Variants in SND1 observed in about 807,000 individuals in gnomAD.
SND1 encodes the protein staphylococcal nuclease domain-containing protein 1.
In SND1, 38 loss-of-function variants were observed where a neutral mutation model predicts 121.7. The observed-to-expected ratio is 0.31, with a 90% confidence interval of 0.24 to 0.41. SND1 has a LOEUF of 0.41. SND1 is among the 10% of genes least tolerant of loss of function. The probability of loss-of-function intolerance (pLI) is 1.00; values close to 1 mark genes in which losing one functional copy is unlikely to be tolerated. For synonymous variants in SND1, 401 were observed against 447.4 expected (o/e 0.90, Z 1.31); for missense variants, 868 against 1,184.6 (o/e 0.73, Z 3.92).
chr7:127,753,686 C>T (rs1454320889), intron 10 of SND1, among the ~76,000 whole-genome samples: 1 of 152,094 alleles, frequency 6.6e-6, no homozygotes, highest in South Asian at 2.1e-4. Context: ...TAAGGTAGAG[C>T]AGTCTGGTGT....
intron 13 of SND1, among the ~76,000 whole-genome samples, chr7:127,890,851 G>T (rs887413055): frequency 1.3e-5 from 2 of 152,176 alleles, no homozygotes; most frequent in African/African-American, 4.8e-5. Flanking sequence ...GAGCTGCCTA[G>T]AGATAATTGT....
chr7:127,737,700 T>G (rs759206602), intron 10 of SND1, among the ~76,000 whole-genome samples: 64 of 152,190 alleles, frequency 4.2e-4, no homozygotes, highest in Admixed American at 7.9e-4. Flanking sequence ...TTTGGAGTAT[T>G]TGAATGTGCT....
chr7:128,071,607 C>CTTAA lies in SND1; in HGVS notation c.1780-2894_1780-2891dup, dbSNP rs1257492491. ...AGGATGATCACACACATACAACCTG[C>CTTAA]TTAAACCTCTGCTTTCAATCTCCGT... On this transcript the variant is annotated intron_variant, in intron 16 of 23. Coordinates refer to ENST00000354725, the MANE Select transcript of SND1 (RefSeq NM_014390.4). 4.6e-5 allele frequency among the ~76,000 whole-genome samples: 7 copies of CTTAA among 152,212 alleles called. No homozygotes were observed. In the East Asian group the frequency reaches 1.3e-3, roughly 29 times the overall value.
chr7:127,896,450 G>A (rs1012055904), intron 13 of SND1, among the ~76,000 whole-genome samples: 4 of 152,026 alleles, frequency 2.6e-5, no homozygotes, highest in African/African-American at 7.2e-5. Context: ...CATCACTATC[G>A]CTCGGAAACT....
rs1308616231 is a variant in SND1 at position 127,701,178 on chromosome 7, G to A, written c.444G>A (p.Arg148=). Residue 148 remains arginine, a synonymous_variant, in exon 5 of 24, where the codon CGG becomes CGA. Coordinates refer to ENST00000354725, the MANE Select transcript of SND1 (RefSeq NM_014390.4). ...GMRANNPEQN[R]LSECEEQAKA... ...TATGTCCCAGTCCTGAGCAGAACCGGCTTTCAGAATGTGAAGAACAAGCAA... is the reference window on the plus strand; with the variant it reads ...TATGTCCCAGTCCTGAGCAGAACCGACTTTCAGAATGTGAAGAACAAGCAA... The A allele has an allele frequency of 1.9e-6, 3 of 1,613,996 alleles. No individual in the cohort carries two copies. The highest frequency in any genetic ancestry group is 1.7e-5 in the Admixed American group (1 of 60,008).
At chr7:128,011,596 T>A (rs1276492403) in intron 16 of SND1, among the ~76,000 whole-genome samples, 1 of 152,180 alleles carries the variant, frequency 6.6e-6, no homozygotes, top group Non-Finnish European at 1.5e-5. Flanking sequence ...CAGCTGCACA[T>A]TGGAATCATG....
rs566540903 is a variant in SND1, at chr7:128,085,011, G to T, written c.2234+164G>T. On this transcript the variant is annotated intron_variant, in intron 19 of 23. Transcript: ENST00000354725. This position sits in a 1 kb window ranked among gnomAD's most constrained non-coding sequence, Gnocchi z 4.4. Reference sequence around the variant, plus strand: ...TCTTCATTGCCCACAGCCCATCTGGGGCCTTGCTCTGGCCTGTGCACCCCT... The same window carrying T: ...TCTTCATTGCCCACAGCCCATCTGGTGCCTTGCTCTGGCCTGTGCACCCCT... Among the ~76,000 whole-genome samples, 7 of 152,282 alleles carry T rather than the reference G, an allele frequency of 4.6e-5. No homozygotes were observed. The South Asian group carries it at 1.4e-3, about 32-fold the overall frequency.
intron 15 of SND1, among the ~76,000 whole-genome samples, chr7:127,969,410 A>C (rs752930680): frequency 1.9e-4 from 29 of 152,328 alleles, no homozygotes; most frequent in Non-Finnish European, 3.4e-4. Flanking sequence ...CGTATACAAA[A>C]TGAGAAAGTT....
intron 14 of SND1, among the ~76,000 whole-genome samples, chr7:127,923,425 C>T (rs147251444): frequency 2.0e-5 from 3 of 152,250 alleles, no homozygotes; most frequent in African/African-American, 7.2e-5. Context: ...CTCTCTAGTA[C>T]ACATCTCACC....
chr7:127,772,271 A>G (rs1797526063), intron 10 of SND1, among the ~76,000 whole-genome samples: 1 of 152,242 alleles, frequency 6.6e-6, no homozygotes, highest in Non-Finnish European at 1.5e-5. Flanking sequence ...ATTAGATTTA[A>G]GTACTCAGAT....
chr7:127,800,276 A>G (rs1449901934), intron 10 of SND1, among the ~76,000 whole-genome samples: 2 of 152,202 alleles, frequency 1.3e-5, no homozygotes, highest in Non-Finnish European at 2.9e-5. Context: ...TCTTATTGTA[A>G]TTCAACAGTC....
intron 16 of SND1, among the ~76,000 whole-genome samples, chr7:128,002,236 G>T (rs1301811144): frequency 1.3e-5 from 2 of 152,216 alleles, no homozygotes; most frequent in Non-Finnish European, 2.9e-5. Flanking sequence ...TCAAAACAGG[G>T]ATCCTCGCTA....
chr7:127,736,995 A>G (rs1393972288), intron 10 of SND1, among the ~76,000 whole-genome samples: 1 of 152,232 alleles, frequency 6.6e-6, no homozygotes, highest in African/African-American at 2.4e-5. Context: ...TATTTGCACA[A>G]TTACATTACA....
chr7:127,772,771 T>C (rs192324928), intron 10 of SND1, among the ~76,000 whole-genome samples: 1 of 152,310 alleles, frequency 6.6e-6, no homozygotes, highest in East Asian at 1.9e-4. Flanking sequence ...GCAAATCTTA[T>C]GAAACAGTGA....
intron 10 of SND1, among the ~76,000 whole-genome samples, chr7:127,801,453 A>G (rs1191832836): frequency 1.3e-5 from 2 of 152,162 alleles, no homozygotes; most frequent in Non-Finnish European, 2.9e-5. Flanking sequence ...TTTACTGAGT[A>G]AATCAAAGTA....
chr7:128,029,321 A>G lies in SND1; in HGVS notation c.1779+38265A>G, dbSNP rs1424008412. On this transcript the variant is annotated intron_variant, in intron 16 of 23. Coordinates refer to ENST00000354725, the MANE Select transcript of SND1 (RefSeq NM_014390.4). This position sits in a 1 kb window ranked among gnomAD's most constrained non-coding sequence, Gnocchi z 4.2. Reference sequence around the variant, plus strand: ...AGGTGTTAAGCTCAGCCGTGCTCACATTGAGGTAGGCCGAGGCGTTGGAGT... The same window carrying G: ...AGGTGTTAAGCTCAGCCGTGCTCACGTTGAGGTAGGCCGAGGCGTTGGAGT... The G allele has an allele frequency of 3.1e-6, 5 of 1,614,054 alleles. No homozygotes were observed. In the African/African-American group the frequency reaches 4.0e-5, roughly 13 times the overall value.
At chr7:127,737,043 AC>A (rs1796788586) in intron 10 of SND1, among the ~76,000 whole-genome samples, 1 of 151,360 alleles carries the variant, frequency 6.6e-6, no homozygotes, top group Non-Finnish European at 1.5e-5. Context: ...AAAAACAGTC[AC>A]CCCCAAGTAA....
intron 15 of SND1, among the ~76,000 whole-genome samples, chr7:127,974,904 G>A (rs1802078973): frequency 6.6e-6 from 1 of 152,210 alleles, no homozygotes; most frequent in South Asian, 2.1e-4. Flanking sequence ...TTGTCCCCTG[G>A]GTCTTGAGTT....
At chr7:127,973,415 C>T (rs980520578) in intron 15 of SND1, among the ~76,000 whole-genome samples, 6 of 152,050 alleles carry the variant, frequency 3.9e-5, no homozygotes, top group Admixed American at 2.0e-4. Flanking sequence ...TTGTGATGTT[C>T]GGAGGCTTCT....
Sources: gnomAD v4.1 joint callset for allele counts (sites outside exome capture counted in the v4.1 genomes callset) on GRCh38, gnomAD v4.1.1 for gene constraint, Gnocchi (gnomAD v3.1) non-coding constraint, MANE v1.5 for transcripts, NCBI Gene and HGNC (gene_info 2026-07-23, HGNC 2026-07-21) for gene names.